Variants in CASTOR2 observed in about 807,000 individuals in gnomAD.
CASTOR2 encodes GATS protein like 2.
Under a neutral mutation model 31.2 loss-of-function variants are expected in CASTOR2, and 8 were observed. The observed-to-expected ratio is 0.26, with a 90% CI of 0.15 to 0.46. The LOEUF (loss-of-function observed/expected upper bound fraction) is 0.46, where lower values mean the gene tolerates loss of function less well. Ranked by LOEUF, CASTOR2 falls within the 20% of genes least tolerant of loss-of-function variation. The pLI is 0.99. For synonymous variants in CASTOR2, 162 were observed against 158.7 expected (o/e 1.02, Z -0.16); for missense variants, 216 against 382.1 (o/e 0.57, Z 3.62).
intron 1 of CASTOR2, among the ~76,000 whole-genome samples, chr7:74,993,800 TA>T (rs782362434): frequency 0.86 from 120,527 of 140,876 alleles, 51,416 homozygotes; most frequent in East Asian, 0.96. Flanking sequence ...TGCCACAGAT[TA>T]AAAAAAAAAA....
In CASTOR2 at chr7:74,980,588, G is replaced by A. The variant is rs1357925901; in HGVS notation, c.113+15490G>A. 3.7e-5 allele frequency among the ~76,000 whole-genome samples: 5 copies of A among 133,410 alleles called. 2 individuals are homozygous for A. The highest frequency in any genetic ancestry group is 1.5e-4 in the African/African-American group (4 of 27,354). The allele number at this position is 133,410 out of a possible 152,430, so 87.5% of individuals were successfully genotyped here. ...AGAAATTCAATGGATGTTTTGAGGT[G>A]CCCTCTACTTGATGCAAGCCTCGGC... On this transcript the variant is annotated intron_variant, in intron 1 of 8. Transcript: ENST00000616305.
chr7:74,996,544 C>T (rs1804351040), intron 1 of CASTOR2, among the ~76,000 whole-genome samples: 1 of 151,250 alleles, frequency 6.6e-6, no homozygotes, highest in Non-Finnish European at 1.5e-5. Flanking sequence ...TTGGAAAGGT[C>T]AGAGGTTGTG....
At chr7:74,994,546 C>G (rs1278614203) in intron 1 of CASTOR2, among the ~76,000 whole-genome samples, 1 of 151,970 alleles carries the variant, frequency 6.6e-6, no homozygotes, top group Non-Finnish European at 1.5e-5. Context: ...ATCAGGAGTT[C>G]GAGACCAGCC....
rs1331434755 is a variant in CASTOR2, at chr7:75,017,925, C to T, written c.379-65C>T. Reference sequence around the variant, plus strand: ...GGGGCAGAGTCTCAGGGTGAGAGGTCGGTGCCCCAGACCCACATCCCCCAG... The same window carrying T: ...GGGGCAGAGTCTCAGGGTGAGAGGTTGGTGCCCCAGACCCACATCCCCCAG... On this transcript the variant is annotated intron_variant, in intron 3 of 8. Coordinates refer to ENST00000616305, the MANE Select transcript of CASTOR2 (RefSeq NM_001145064.3). 1.4e-4 allele frequency: 230 copies of T among 1,613,728 alleles called. 1 individual carries two copies. In the East Asian group the frequency reaches 1.5e-3, roughly 11 times the overall value.
Position 75,024,841 on chromosome 7 carries a change from C to T in CASTOR2, c.*142C>T. Reference sequence around the variant, plus strand: ...CCTCTGTGGGAGACTCCCTCGATTGCCAATCCCTCCAGGGCAGGGGCCCAC... The same window carrying T: ...CCTCTGTGGGAGACTCCCTCGATTGTCAATCCCTCCAGGGCAGGGGCCCAC... On this transcript the variant is annotated 3_prime_UTR_variant, in exon 9 of 9. Coordinates refer to ENST00000616305, the MANE Select transcript of CASTOR2 (RefSeq NM_001145064.3). 6.5e-7 allele frequency: 1 copy of T among 1,544,398 alleles called. No homozygotes were observed. The highest frequency in any genetic ancestry group is 1.2e-5 in the South Asian group (1 of 82,924).
rs1192295249 is a variant in CASTOR2, at chr7:75,011,326, G to A, written c.184+3262G>A. ...TGCCTGTAGCTCCAGCTACTCAGGAGGCTGAGGAAGGAGAATCACCTGAAC... is the reference window on the plus strand; with the variant it reads ...TGCCTGTAGCTCCAGCTACTCAGGAAGCTGAGGAAGGAGAATCACCTGAAC... On this transcript the variant is annotated intron_variant, in intron 2 of 8. Coordinates refer to ENST00000616305, the MANE Select transcript of CASTOR2 (RefSeq NM_001145064.3). 4.8e-3 allele frequency among the ~76,000 whole-genome samples: 734 copies of A among 151,866 alleles called. 3 individuals are homozygous for A. Among genetic ancestry groups the A allele is most frequent in the Non-Finnish European group, 7.9e-3 (540 of 67,952 alleles).
intron 1 of CASTOR2, among the ~76,000 whole-genome samples, chr7:74,989,123 G>T (rs1385621945): frequency 1.3e-5 from 2 of 151,814 alleles, no homozygotes; most frequent in African/African-American, 4.8e-5. Flanking sequence ...ACCATGCCCG[G>T]CTAATTTTTT....
At chr7:74,989,350 G>A (rs1804150112) in intron 1 of CASTOR2, among the ~76,000 whole-genome samples, 3 of 150,066 alleles carry the variant, frequency 2.0e-5, no homozygotes, top group African/African-American at 7.4e-5. Context: ...TGGACCTCCT[G>A]GGCTCAAGCA....
chr7:75,017,815 C>T, intron 3 of CASTOR2, 24 bp downstream of exon 3: 2 of 1,613,984 alleles, frequency 1.2e-6, no homozygotes, highest in East Asian at 2.2e-5. Flanking sequence ...CACAGACACG[C>T]CTTGCACACT....
chr7:75,030,963 TG>T lies in CASTOR2; in HGVS notation c.*6266del, dbSNP rs1805285720. On this transcript the variant is annotated 3_prime_UTR_variant, in exon 9 of 9. Transcript: ENST00000616305. ...AGACCCCTGCCCCTCACCCAAACTT[TG>T]GAGGTGGCAGGGTGAACAGCAGGCC... 6.6e-6 allele frequency among the ~76,000 whole-genome samples: 1 copy of T among 152,138 alleles called. No individual in the cohort carries two copies. Among genetic ancestry groups the T allele is most frequent in the Non-Finnish European group, 1.5e-5 (1 of 68,014 alleles).
intron 2 of CASTOR2, among the ~76,000 whole-genome samples, chr7:75,008,712 TAAAG>T (rs1400959250): frequency 5.9e-5 from 9 of 151,946 alleles, no homozygotes; most frequent in South Asian, 2.1e-4. Flanking sequence ...ATAAAAAAAA[TAAAG>T]AAAAGTGTCT....
At chr7:74,981,711 G>A (rs1176034399) in intron 1 of CASTOR2, among the ~76,000 whole-genome samples, 1 of 151,328 alleles carries the variant, frequency 6.6e-6, no homozygotes, top group Non-Finnish European at 1.5e-5. Flanking sequence ...ACAAGTATGA[G>A]CTACCATGCC....
intron 2 of CASTOR2, among the ~76,000 whole-genome samples, chr7:75,013,839 T>C (rs1328046015): frequency 6.6e-6 from 1 of 152,082 alleles, no homozygotes; most frequent in Non-Finnish European, 1.5e-5. Flanking sequence ...GCGATTCTCA[T>C]GCCTCAGCCT....
At chr7:75,007,928 G>C in intron 1 of CASTOR2, 66 bp from the exon 2 acceptor site, 1 of 1,609,474 alleles carries the variant, frequency 6.2e-7, no homozygotes, top group Non-Finnish European at 8.5e-7. Flanking sequence ...CAGGGCACGG[G>C]TGGGCAGCTG....
At chr7:75,021,462 A>C (rs1804999321) in intron 6 of CASTOR2, among the ~76,000 whole-genome samples, 1 of 152,128 alleles carries the variant, frequency 6.6e-6, no homozygotes, top group African/African-American at 2.4e-5. Flanking sequence ...ATAGCACTTC[A>C]TCATAAGTAA....
chr7:74,989,706 A>T (rs1804159437), intron 1 of CASTOR2, among the ~76,000 whole-genome samples: 1 of 151,624 alleles, frequency 6.6e-6, no homozygotes, highest in Non-Finnish European at 1.5e-5. Context: ...GAATCACTGC[A>T]CCCAGCCTGG....
At chr7:74,998,995 T>C (rs1804424900) in intron 1 of CASTOR2, among the ~76,000 whole-genome samples, 1 of 151,796 alleles carries the variant, frequency 6.6e-6, no homozygotes, top group African/African-American at 2.4e-5. Flanking sequence ...TTATTTTCTA[T>C]CTTTTTTTTT....
In CASTOR2 at chr7:75,024,505, A is replaced by C; in HGVS notation, c.895A>C (p.Ile299Leu). The part of the protein sequence containing the change: ...LAAADIPAYY[I>L]STFKFDHALV... ...TGCTGCAGACATCCCAGCCTACTAC[A>C]TCAGTACTTTCAAGTTTGATCATGC... Residue 299 changes from isoleucine (I) to leucine (L), a missense_variant, in exon 8 of 9, where the codon ATC (isoleucine) becomes CTC (leucine). Ile to Leu is a conservative substitution (Grantham distance 5). Coordinates refer to ENST00000616305, the MANE Select transcript of CASTOR2 (RefSeq NM_001145064.3). 1 of 1,551,518 alleles carries C rather than the reference A, an allele frequency of 6.4e-7. No individual in the cohort carries two copies. The highest frequency in any genetic ancestry group is 8.7e-7 in the Non-Finnish European group (1 of 1,146,850).
intron 1 of CASTOR2, among the ~76,000 whole-genome samples, chr7:74,998,929 C>T: frequency 6.6e-6 from 1 of 152,060 alleles, no homozygotes; most frequent in Non-Finnish European, 1.5e-5. Context: ...TTGCCAAACA[C>T]CATCACCCAC....
Sources: gnomAD v4.1 joint callset for allele counts (sites outside exome capture counted in the v4.1 genomes callset) on GRCh38, gnomAD v4.1.1 for gene constraint, MANE v1.5 for transcripts, NCBI Gene and HGNC (gene_info 2026-07-23, HGNC 2026-07-21) for gene names.